The following TMEFF1 variants were observed in gnomAD, a reference collection of about 807,000 sequenced individuals.
The protein encoded by TMEFF1 is transmembrane protein with EGF like and two follistatin like domains 1.
A neutral mutation model predicts 47.5 loss-of-function variants in TMEFF1; 20 were observed. The observed-to-expected ratio is 0.42, with a 90% confidence interval of 0.30 to 0.61. The LOEUF is 0.61. Ranked by LOEUF, TMEFF1 falls within the 20% of genes least tolerant of loss-of-function variation. The probability of loss-of-function intolerance (pLI) is 0.19; values close to 1 mark genes in which losing one functional copy is unlikely to be tolerated. For synonymous variants in TMEFF1, 162 were observed against 166.3 expected, an observed-to-expected ratio of 0.97 and a Z score of 0.20; for missense variants, 411 against 471.1, an observed-to-expected ratio of 0.87 and a Z score of 1.18.
At chr9:100,490,897 GTT>G (rs1491428426) in intron 1 of TMEFF1, among the ~76,000 whole-genome samples, 3 of 146,994 alleles carry the variant, frequency 2.0e-5, no homozygotes, top group Non-Finnish European at 4.5e-5. Flanking sequence ...GTATGTGTGT[GTT>G]TGAAATGAGT....
In TMEFF1 at chr9:100,478,120, T is replaced by C. The variant is rs75928961; in HGVS notation, c.196+4380T>C. 2.8e-3 allele frequency among the ~76,000 whole-genome samples: 433 copies of C among 152,328 alleles called. 4 individuals are homozygous for C. Among genetic ancestry groups the C allele is most frequent in the African/African-American group, 0.01 (416 of 41,576 alleles). On this transcript the variant is annotated intron_variant, in intron 1 of 9. Coordinates refer to ENST00000374879, the MANE Select transcript of TMEFF1 (RefSeq NM_003692.5). ...ATTCTTTTGAACTAGCTCTGTATTC[T>C]GTTACTGTCCCCTACCCATGCCACT...
chr9:100,488,632 A>T (rs1837494355), intron 1 of TMEFF1, among the ~76,000 whole-genome samples: 1 of 152,186 alleles, frequency 6.6e-6, no homozygotes. Flanking sequence ...TTTTGCTCTA[A>T]GTGCTTTCCA....
At chr9:100,550,911 G>T (rs977747848) in intron 7 of TMEFF1, among the ~76,000 whole-genome samples, 5 of 152,202 alleles carry the variant, frequency 3.3e-5, no homozygotes, top group Admixed American at 2.6e-4. Context: ...TGGATTCCAG[G>T]TCCCTTGACT....
At chr9:100,506,791 A>T (rs75301837) in intron 2 of TMEFF1, among the ~76,000 whole-genome samples, 6 of 149,632 alleles carry the variant, frequency 4.0e-5, no homozygotes, top group African/African-American at 1.5e-4. Flanking sequence ...AAAAAAAAGT[A>T]CAGAATTCCC....
chr9:100,506,766 CAAA>C (rs58345253), intron 2 of TMEFF1, among the ~76,000 whole-genome samples: 2 of 43,408 alleles, frequency 4.6e-5, no homozygotes. Context: ...GACTCCATCT[CAAA>C]AAAAAAAAAA....
intron 1 of TMEFF1, among the ~76,000 whole-genome samples, chr9:100,496,742 A>G (rs368659896): frequency 6.2e-4 from 94 of 152,380 alleles, no homozygotes; most frequent in South Asian, 3.7e-3. Flanking sequence ...AAAGTAGCAA[A>G]TCATAACTCA....
chr9:100,531,709 C>A (rs1357894170), intron 5 of TMEFF1, among the ~76,000 whole-genome samples: 5 of 152,158 alleles, frequency 3.3e-5, no homozygotes, highest in East Asian at 1.9e-4. Context: ...GCTACCAATG[C>A]CTTTCTTCAC....
intron 7 of TMEFF1, among the ~76,000 whole-genome samples, chr9:100,558,020 T>C (rs1037487816): frequency 6.6e-6 from 1 of 152,178 alleles, no homozygotes; most frequent in Non-Finnish European, 1.5e-5. Context: ...TCACTTTGCC[T>C]ACAGCTTGAT....
intron 3 of TMEFF1, among the ~76,000 whole-genome samples, chr9:100,510,649 AT>A (rs1363158267): frequency 1.3e-5 from 2 of 150,388 alleles, no homozygotes; most frequent in Admixed American, 6.6e-5. Flanking sequence ...TTTTTTTTGT[AT>A]TTTTTGTAGG....
intron 1 of TMEFF1, among the ~76,000 whole-genome samples, chr9:100,477,370 A>G (rs1341711171): frequency 6.6e-6 from 1 of 152,148 alleles, no homozygotes; most frequent in African/African-American, 2.4e-5. Context: ...TCACCAGCCT[A>G]TTATTTAAAA....
chr9:100,476,777 A>C (rs1466334123), intron 1 of TMEFF1, among the ~76,000 whole-genome samples: 2 of 149,412 alleles, frequency 1.3e-5, no homozygotes, highest in African/African-American at 5.0e-5. Flanking sequence ...GCTCACAGCA[A>C]GCTCCGCCTC....
intron 7 of TMEFF1, among the ~76,000 whole-genome samples, chr9:100,560,714 C>A (rs1473830064): frequency 1.3e-5 from 2 of 152,136 alleles, no homozygotes; most frequent in East Asian, 3.8e-4. Flanking sequence ...TAAGTCTGAG[C>A]AGATGTTCAT....
intron 1 of TMEFF1, among the ~76,000 whole-genome samples, chr9:100,489,660 C>T (rs1837514418): frequency 6.6e-6 from 1 of 151,960 alleles, no homozygotes; most frequent in Admixed American, 6.5e-5. Context: ...GTATACCTTC[C>T]AGGTTTTTAA....
Position 100,559,463 on chromosome 9 carries a change from G to GTGGC in TMEFF1, c.776-1932_776-1929dup, listed in dbSNP as rs1296710935. 2.0e-5 allele frequency among the ~76,000 whole-genome samples: 3 copies of GTGGC among 152,254 alleles called. No individual in the cohort carries two copies. In the South Asian group the frequency reaches 6.2e-4, roughly 32 times the overall value. ...CGTGTGGCTATTGAGCACTTGAAAT[G>GTGGC]TGGCTAGTCAGAATTTAGATCTTTT... On this transcript the variant is annotated intron_variant, in intron 7 of 9. Coordinates refer to ENST00000374879, the MANE Select transcript of TMEFF1 (RefSeq NM_003692.5).
At chr9:100,558,994 A>G (rs1318695541) in intron 7 of TMEFF1, among the ~76,000 whole-genome samples, 1 of 152,198 alleles carries the variant, frequency 6.6e-6, no homozygotes, top group Non-Finnish European at 1.5e-5. Context: ...TCACACAGCT[A>G]GAGAGTGTTG....
chr9:100,496,153 T>C (rs1266604023), intron 1 of TMEFF1, among the ~76,000 whole-genome samples: 2 of 152,244 alleles, frequency 1.3e-5, no homozygotes, highest in African/African-American at 4.8e-5. Flanking sequence ...GTCTCTGTTA[T>C]GAGTTCTTGG....
At chr9:100,571,475 T>C (rs1307491144) in intron 8 of TMEFF1, among the ~76,000 whole-genome samples, 1 of 152,222 alleles carries the variant, frequency 6.6e-6, no homozygotes, top group Non-Finnish European at 1.5e-5. Context: ...TTAAGTGTTC[T>C]CACCACAGAC....
intron 7 of TMEFF1, among the ~76,000 whole-genome samples, chr9:100,560,953 GCTCT>G (rs1839002862): frequency 1.3e-5 from 2 of 152,034 alleles, no homozygotes; most frequent in African/African-American, 4.8e-5. Flanking sequence ...CCCTTAATTT[GCTCT>G]CTGTCATTCA....
chr9:100,503,161 A>G (rs187665329), intron 2 of TMEFF1, among the ~76,000 whole-genome samples: 23 of 152,318 alleles, frequency 1.5e-4, no homozygotes, highest in African/African-American at 5.1e-4. Flanking sequence ...ATGATTCAGC[A>G]TGCTTTTAGT....
Sources: allele counts gnomAD v4.1 joint callset (sites outside exome capture counted in the v4.1 genomes callset), GRCh38; gene constraint gnomAD v4.1.1; transcripts MANE v1.5; gene names NCBI Gene and HGNC (gene_info 2026-07-23, HGNC 2026-07-21).